C13orf42: variants seen among roughly 807,000 people sequenced by gnomAD.
The protein encoded by C13orf42 is chromosome 13 open reading frame 42, also known as uncharacterized protein C13orf42.
intron 1 of C13orf42, among the ~76,000 whole-genome samples, chr13:51,133,065 A>G (rs1953631206): frequency 6.6e-6 from 1 of 152,198 alleles, no homozygotes. Context: ...GCATACAATC[A>G]AGAAATAACC....
intron 1 of C13orf42, among the ~76,000 whole-genome samples, chr13:51,147,067 G>T (rs570952862): frequency 6.6e-6 from 1 of 152,362 alleles, no homozygotes; most frequent in South Asian, 2.1e-4. Flanking sequence ...TGCAAAAGGT[G>T]GGGGCAGGCC....
intron 1 of C13orf42, among the ~76,000 whole-genome samples, chr13:51,131,280 A>G (rs370817357): frequency 1.3e-5 from 2 of 152,242 alleles, no homozygotes. Flanking sequence ...ACATAGTGCA[A>G]TAAGAATCTG....
In C13orf42 at chr13:51,157,675, C is replaced by A. The variant is rs1358223774; in HGVS notation, n.136+14578G>T. Among the ~76,000 whole-genome samples the A allele has an allele frequency of 2.0e-5, 3 of 152,088 alleles. No individual in the cohort carries two copies. In the East Asian group the frequency reaches 5.8e-4, roughly 29 times the overall value. ...GAAACCCCCTTTGTTCCTTACTGCACCCCTACACACGCTTGTACAGGAGCA... is the reference window on the plus strand; with the variant it reads ...GAAACCCCCTTTGTTCCTTACTGCAACCCTACACACGCTTGTACAGGAGCA... On this transcript the variant is annotated intron_variant and non_coding_transcript_variant, in intron 1 of 4. Coordinates refer to the C13orf42 transcript ENST00000433280.
upstream of C13orf42, among the ~76,000 whole-genome samples, chr13:51,111,530 G>T (rs1383420826): frequency 6.6e-6 from 1 of 152,168 alleles, no homozygotes; most frequent in Non-Finnish European, 1.5e-5. Flanking sequence ...CCCGTGGAAG[G>T]CCCCAGCTGG....
chr13:51,141,589 G>A (rs2138030503), intron 1 of C13orf42, among the ~76,000 whole-genome samples: 1 of 152,170 alleles, frequency 6.6e-6, no homozygotes, highest in East Asian at 1.9e-4. Flanking sequence ...CATGAGGTCA[G>A]GAGTTCGAGA....
chr13:51,134,987 A>T (rs1248413199), intron 1 of C13orf42, among the ~76,000 whole-genome samples: 2 of 152,198 alleles, frequency 1.3e-5, no homozygotes, highest in African/African-American at 4.8e-5. Flanking sequence ...CCAGGTACAC[A>T]TGCAGTCATC....
intron 2 of C13orf42, among the ~76,000 whole-genome samples, chr13:51,086,670 T>G (rs1953131142): frequency 6.6e-6 from 1 of 152,182 alleles, no homozygotes; most frequent in Non-Finnish European, 1.5e-5. Context: ...AAGTGGTCAT[T>G]TCATGAACTT....
chr13:51,115,060 T>C (rs1054171252), upstream of C13orf42, among the ~76,000 whole-genome samples: 3 of 152,046 alleles, frequency 2.0e-5, no homozygotes, highest in African/African-American at 4.8e-5. Context: ...TTAATATGCA[T>C]ATTTGCTCAA....
chr13:51,159,110 G>C (rs761539498), intron 1 of C13orf42, among the ~76,000 whole-genome samples: 2 of 152,122 alleles, frequency 1.3e-5, no homozygotes, highest in African/African-American at 2.4e-5. Context: ...TGCCAGTTCT[G>C]AGTCATTGTG....
chr13:51,172,346 C>T (rs1953963450), exon 1 of C13orf42: 1 of 152,018 alleles, frequency 6.6e-6, no homozygotes. Flanking sequence ...TGAAGACTGA[C>T]ACTGCCGGAT....
chr13:51,088,398 A>G (rs1479747024), intron 1 of C13orf42, among the ~76,000 whole-genome samples: 1 of 152,220 alleles, frequency 6.6e-6, no homozygotes, highest in Non-Finnish European at 1.5e-5. Flanking sequence ...ATAAACACCC[A>G]ATTAGGAGAT....
intron 1 of C13orf42, among the ~76,000 whole-genome samples, chr13:51,124,164 C>A (rs968695554): frequency 2.6e-5 from 4 of 152,184 alleles, no homozygotes; most frequent in Non-Finnish European, 4.4e-5. Flanking sequence ...CACCCAGGAA[C>A]TGACTCAGTA....
At chr13:51,106,597 A>G (rs1280738803) in intron 1 of C13orf42, among the ~76,000 whole-genome samples, 2 of 152,194 alleles carry the variant, frequency 1.3e-5, no homozygotes, top group African/African-American at 4.8e-5. Context: ...GAATGAGGCT[A>G]ATAGCCAACA....
intron 1 of C13orf42, among the ~76,000 whole-genome samples, chr13:51,143,385 A>T (rs1210685336): frequency 6.6e-6 from 1 of 152,216 alleles, no homozygotes; most frequent in African/African-American, 2.4e-5. Context: ...AGGCACATTG[A>T]TGCAAAACCA....
intron 1 of C13orf42, among the ~76,000 whole-genome samples, chr13:51,126,289 T>C (rs527454822): frequency 2.6e-3 from 400 of 152,344 alleles, no homozygotes; most frequent in Non-Finnish European, 4.2e-3. Flanking sequence ...GAGGTGTATT[T>C]GTTTTGACAC....
chr13:51,157,763 G>A (rs1213879308), intron 1 of C13orf42, among the ~76,000 whole-genome samples: 1 of 152,062 alleles, frequency 6.6e-6, no homozygotes, highest in Admixed American at 6.6e-5. Context: ...AATAAAGCAG[G>A]GTCAACAGAA....
chr13:51,124,038 G>C (rs888344519), intron 1 of C13orf42, among the ~76,000 whole-genome samples: 12 of 152,158 alleles, frequency 7.9e-5, no homozygotes, highest in African/African-American at 2.9e-4. Context: ...ACTTACTCTT[G>C]AAGGTAACAT....
In C13orf42 at chr13:51,119,711, A is replaced by C. The variant is rs188123065; in HGVS notation, n.137-6489T>G. On this transcript the variant is annotated intron_variant and non_coding_transcript_variant, in intron 1 of 4. Transcript: ENST00000433280. ...TGAGGTGCCCAGAGTAATGAAATTC[A>C]TAGAGACAGAAAGAATGGTGGTTGC... 1.3e-3 allele frequency among the ~76,000 whole-genome samples: 197 copies of C among 152,296 alleles called. 2 individuals are homozygous for C. Among genetic ancestry groups the C allele is most frequent in the African/African-American group, 4.5e-3 (186 of 41,564 alleles).
intron 1 of C13orf42, among the ~76,000 whole-genome samples, chr13:51,123,755 C>A (rs528998932): frequency 5.3e-5 from 8 of 152,304 alleles, no homozygotes; most frequent in African/African-American, 1.2e-4. Context: ...ATAATGGAAA[C>A]CACCTTTGCA....
Sources: gnomAD v4.1 joint callset for allele counts (sites outside exome capture counted in the v4.1 genomes callset) on GRCh38, gnomAD v4.1.1 for gene constraint, MANE v1.5 for transcripts, NCBI Gene and HGNC (gene_info 2026-07-23, HGNC 2026-07-21) for gene names.